GAB2: variants seen among roughly 807,000 people sequenced by gnomAD.
GAB2 encodes the protein GRB2-associated-binding protein 2.
GAB2 carries 26 observed loss-of-function variants against 65.5 expected under a neutral mutation model. That is an observed-to-expected ratio of 0.40 (90% CI 0.29 to 0.55). The LOEUF (loss-of-function observed/expected upper bound fraction) is 0.55. Ranked by LOEUF, GAB2 falls within the 20% of genes least tolerant of loss-of-function variation. The pLI is 0.53. For synonymous variants in GAB2, 321 were observed against 329.6 expected (o/e 0.97, Z 0.28); for missense variants, 884 against 875.8 (o/e 1.01, Z -0.12).
chr11:78,269,834 T>C (rs1865965871), intron 2 of GAB2, among the ~76,000 whole-genome samples: 1 of 152,204 alleles, frequency 6.6e-6, no homozygotes, highest in African/African-American at 2.4e-5. Flanking sequence ...TCCATAAGAT[T>C]AGACATGTGA....
At chr11:78,220,137 G>A (rs1864348625) in intron 9 of GAB2, among the ~76,000 whole-genome samples, 182 bp downstream of exon 9, 2 of 152,178 alleles carry the variant, frequency 1.3e-5, no homozygotes, top group African/African-American at 4.8e-5. Context: ...CTGAGAGCAG[G>A]AATAGGAGTC....
At chr11:78,266,013 G>C (rs1341433835) in intron 2 of GAB2, among the ~76,000 whole-genome samples, 3 of 151,862 alleles carry the variant, frequency 2.0e-5, no homozygotes, top group Non-Finnish European at 4.4e-5. Context: ...TCAGGAGTTT[G>C]AGACCAGGTT....
chr11:78,336,204 C>T (rs1409175964), intron 1 of GAB2, among the ~76,000 whole-genome samples: 2 of 151,536 alleles, frequency 1.3e-5, no homozygotes, highest in Non-Finnish European at 2.9e-5. Context: ...GTCCCAGCTA[C>T]TGAGGAGGCT....
intron 1 of GAB2, among the ~76,000 whole-genome samples, chr11:78,286,818 C>T (rs1012165877): frequency 6.6e-6 from 1 of 152,130 alleles, no homozygotes; most frequent in Non-Finnish European, 1.5e-5. Flanking sequence ...GGGAGCTTCA[C>T]CTGAAAAGTA....
intron 3 of GAB2, 54 bp from the exon 4 acceptor site, chr11:78,227,105 G>A (rs1864692456): frequency 2.5e-6 from 3 of 1,204,118 alleles, no homozygotes; most frequent in Admixed American, 1.8e-5. Flanking sequence ...CTAGCTGTGT[G>A]ACCTTGAGGC....
chr11:78,308,816 G>A (rs1855426828), intron 1 of GAB2, among the ~76,000 whole-genome samples: 2 of 152,144 alleles, frequency 1.3e-5, no homozygotes, highest in Non-Finnish European at 2.9e-5. Context: ...TTTCTGGGAT[G>A]CTGGCAATTT....
intron 1 of GAB2, among the ~76,000 whole-genome samples, chr11:78,293,325 G>C (rs1320212996): frequency 6.6e-6 from 1 of 152,106 alleles, no homozygotes. Flanking sequence ...CTGAGGTCAG[G>C]GGCTTTTGTA....
chr11:78,348,780 T>C (rs760124818), intron 1 of GAB2, among the ~76,000 whole-genome samples: 4 of 152,224 alleles, frequency 2.6e-5, no homozygotes. Context: ...TGAATGTTCA[T>C]ATCAGCTTTA....
chr11:78,235,002 A>C (rs1304490093), intron 3 of GAB2, among the ~76,000 whole-genome samples: 2 of 151,672 alleles, frequency 1.3e-5, no homozygotes, highest in Non-Finnish European at 2.9e-5. Flanking sequence ...AGAGCGACAG[A>C]CTTTCTCCTC....
At chr11:78,331,185 TAA>T (rs942897901) in intron 1 of GAB2, among the ~76,000 whole-genome samples, 1 of 150,040 alleles carries the variant, frequency 6.7e-6, no homozygotes, top group African/African-American at 2.5e-5. Context: ...AAAAAATAAA[TAA>T]AAATAAAATA....
rs565761986 is a variant in GAB2, at chr11:78,293,910, CT to C, written c.76-13010del. ...AGATGGATATTGATGAAATATGAGTCTTTTTTTATTTTTATTTTTATTATAC... is the reference window on the plus strand; with the variant it reads ...AGATGGATATTGATGAAATATGAGTCTTTTTTATTTTTATTTTTATTATAC... On this transcript the variant is annotated intron_variant, in intron 1 of 9. Transcript: ENST00000361507. 1.8e-4 allele frequency among the ~76,000 whole-genome samples: 26 copies of C among 146,638 alleles called. No homozygotes were observed. The East Asian group carries it at 5.1e-3, about 29-fold the overall frequency.
chr11:78,294,118 T>A (rs1306384795), intron 1 of GAB2, among the ~76,000 whole-genome samples: 1 of 152,134 alleles, frequency 6.6e-6, no homozygotes, highest in East Asian at 1.9e-4. Flanking sequence ...CCTTTTTGTG[T>A]CCATGTGTTC....
chr11:78,261,258 G>A (rs777314017), intron 2 of GAB2, among the ~76,000 whole-genome samples: 4 of 152,136 alleles, frequency 2.6e-5, no homozygotes, highest in South Asian at 2.1e-4. Flanking sequence ...ACTGCACTCC[G>A]GCCTGGGCGA....
chr11:78,315,088 T>G (rs886154315), intron 1 of GAB2, among the ~76,000 whole-genome samples: 1 of 152,036 alleles, frequency 6.6e-6, no homozygotes, highest in Non-Finnish European at 1.5e-5. Context: ...GACAGCAAAC[T>G]GAAGGAGCTA....
intron 1 of GAB2, among the ~76,000 whole-genome samples, chr11:78,370,367 T>C (rs995455295): frequency 6.6e-6 from 1 of 152,184 alleles, no homozygotes; most frequent in Non-Finnish European, 1.5e-5. Flanking sequence ...ATTAATCATA[T>C]GGTAGTATTC....
In GAB2 at chr11:78,226,891, A is replaced by T; in HGVS notation, c.781T>A (p.Phe261Ile). 1 of 1,613,958 alleles carries T rather than the reference A, an allele frequency of 6.2e-7. No individual in the cohort carries two copies. The highest frequency in any genetic ancestry group is 8.5e-7 in the Non-Finnish European group (1 of 1,179,992). ...LPKPSRHNTEFRDSTYDLPRS... is the reference protein window; with the variant it reads ...LPKPSRHNTEIRDSTYDLPRS... ...GGGAGGTCGTAGGTACTGTCTCTGAATTCTGTATTGTGCCGGCTCGGCTTG... is the reference window on the plus strand; with the variant it reads ...GGGAGGTCGTAGGTACTGTCTCTGATTTCTGTATTGTGCCGGCTCGGCTTG... The change falls in exon 4 of 10, where the codon TTC becomes ATC. Residue 261 changes from phenylalanine (F) to isoleucine (I), a missense_variant. Transcript: ENST00000361507.
intron 1 of GAB2, among the ~76,000 whole-genome samples, chr11:78,393,402 CAAT>C (rs1565183223): frequency 6.6e-6 from 1 of 152,104 alleles, no homozygotes; most frequent in Non-Finnish European, 1.5e-5. Context: ...AAATATGAGC[CAAT>C]AATACATGAA....
Position 78,307,211 on chromosome 11 carries a change from A to C in GAB2, c.76-26310T>G, listed in dbSNP as rs550700024. ...AGCAACAGTGCTTATGAACACTACAACCTCTACAACCTCATGTGCACCTAG... is the reference window on the plus strand; with the variant it reads ...AGCAACAGTGCTTATGAACACTACACCCTCTACAACCTCATGTGCACCTAG... On this transcript the variant is annotated intron_variant, in intron 1 of 9. Coordinates refer to ENST00000361507, the MANE Select transcript of GAB2 (RefSeq NM_080491.3). Among the ~76,000 whole-genome samples, 4 of 152,212 alleles carry C rather than the reference A, an allele frequency of 2.6e-5. No individual in the cohort carries two copies. In the South Asian group the frequency reaches 8.3e-4, roughly 32 times the overall value.
chr11:78,252,781 C>T (rs904216346), intron 2 of GAB2, among the ~76,000 whole-genome samples: 3 of 152,092 alleles, frequency 2.0e-5, no homozygotes, highest in Non-Finnish European at 2.9e-5. Flanking sequence ...TCCCTTCAGA[C>T]GTCCCACTAG....
Sources: allele counts gnomAD v4.1 joint callset (sites outside exome capture counted in the v4.1 genomes callset), GRCh38; gene constraint gnomAD v4.1.1; transcripts MANE v1.5; gene names NCBI Gene and HGNC (gene_info 2026-07-23, HGNC 2026-07-21).